Variants in KMT2D observed in about 807,000 individuals in gnomAD.
The protein encoded by KMT2D is histone-lysine N-methyltransferase 2D.
Under a neutral mutation model 512.7 loss-of-function variants are expected in KMT2D, and 55 were observed. The ratio of observed to expected loss-of-function variants is 0.11; its 90% CI spans 0.09 to 0.13. The LOEUF is 0.13. Among genes scored for constraint, KMT2D ranks in the 10% least tolerant of loss-of-function variants. The pLI is 1.00. For missense variants in KMT2D, 6,061 were observed against 7,127.9 expected (o/e 0.85, Z 5.39); for synonymous variants, 2,995 against 2,904.0 (o/e 1.03, Z -1.01).
rs1243381790 is a variant in KMT2D at position 49,054,967 on chromosome 12, G to A, written c.109C>T (p.His37Tyr). The A allele has an allele frequency of 5.0e-6, 8 of 1,614,032 alleles. No homozygotes were observed. In the East Asian group the frequency reaches 1.3e-4, roughly 27 times the overall value. The change falls in exon 3 of 55, where the codon CAT becomes TAT. Residue 37 changes from histidine to tyrosine, a missense_variant. Physicochemically the swap from His to Tyr is moderately conservative, Grantham distance 83 (BLOSUM62 2). Transcript: ENST00000301067. The surrounding 1 kb of genome is among the most constrained non-coding windows in gnomAD (Gnocchi z 6.4). ...SATESDLPNP[H>Y]VGEVSVLSSG... ...CTAAGGACAGAGACCTCTCCCACAT[G>A]TGGGTTGGGCAGGTCTGACTCAGTG...
chr12:49,055,425 A>G, intron 1 of KMT2D, 64 bp from the exon 2 acceptor site: 3 of 1,102,982 alleles, frequency 2.7e-6, no homozygotes, highest in Non-Finnish European at 4.0e-6. Flanking sequence ...TTTTTCCCAG[A>G]ATCCTGGGAA....
In KMT2D at chr12:49,026,389, G is replaced by A. The variant is rs1942589786; in HGVS notation, c.15577C>T (p.Pro5193Ser). ...CTATGAAAGTCAGCCATCTGGTGAG[G>A]CAGCAGCTGTCCGATGGCGTGGAAC... ...LVFHAIGQLL[P>S]HQMADFHSAT... The change falls in exon 49 of 55, where the codon CCT becomes TCT. Residue 5193 changes from proline (P) to serine (S), a missense_variant. Physicochemically the swap from Pro to Ser is moderately conservative, Grantham distance 74. Around this residue, in one of 16 missense-constraint regions of KMT2D, gnomAD observed 261 missense variants for 440.7 expected, o/e 0.59. Transcript: ENST00000301067. The surrounding 1 kb of genome is among the most constrained non-coding windows in gnomAD (Gnocchi z 9.6). 2 of 1,613,470 alleles carry A rather than the reference G, an allele frequency of 1.2e-6. No individual in the cohort carries two copies. Among genetic ancestry groups the A allele is most frequent in the Non-Finnish European group, 1.7e-6 (2 of 1,179,440 alleles).
chr12:49,055,159 C>T (rs1938333937), intron 2 of KMT2D, 117 bp downstream of exon 2: 2 of 1,548,670 alleles, frequency 1.3e-6, no homozygotes, highest in African/African-American at 2.7e-5. Context: ...TCCCAAAGAA[C>T]AAAGTTGTTC....
rs2120483900 is a variant in KMT2D at position 49,037,667 on chromosome 12, C to A, written c.9689G>T (p.Gly3230Val). 3 of 1,582,040 alleles carry A rather than the reference C, an allele frequency of 1.9e-6. No homozygotes were observed. Among genetic ancestry groups the A allele is most frequent in the East Asian group, 2.3e-5 (1 of 43,114 alleles). ...GCTCTCCATCTTGTCTAGCTCATCCCCAGATGCTGCAGGTCCACCAGGCAA... is the reference window on the plus strand; with the variant it reads ...GCTCTCCATCTTGTCTAGCTCATCCACAGATGCTGCAGGTCCACCAGGCAA... ...LTLPGGPAAS[G>V]DELDKMESSL... Residue 3230 changes from glycine to valine, a missense_variant, in exon 35 of 55, where the codon GGG (glycine) becomes GTG (valine). Physicochemically the swap from Gly to Val is moderately radical, Grantham distance 109. This residue lies in a region of KMT2D where 533 missense variants were observed against 539.6 expected (regional missense o/e 0.99). Coordinates refer to ENST00000301067, the MANE Select transcript of KMT2D (RefSeq NM_003482.4).
intron 1 of KMT2D, 47 bp from the exon 2 acceptor site, chr12:49,055,408 A>G: frequency 7.6e-7 from 1 of 1,316,432 alleles, no homozygotes; most frequent in South Asian, 1.3e-5. Context: ...AGTCTTCCCA[A>G]GAAGCATTTT....
In KMT2D at chr12:49,028,817, CT is replaced by C. The variant is rs1449322410; in HGVS notation, c.14382+10del. 3 of 1,613,408 alleles carry C rather than the reference CT, an allele frequency of 1.9e-6. No homozygotes were observed. The highest frequency in any genetic ancestry group is 1.3e-5 in the African/African-American group (1 of 74,928). On this transcript the variant is annotated intron_variant, in intron 46 of 54. Coordinates refer to ENST00000301067, the MANE Select transcript of KMT2D (RefSeq NM_003482.4). The stretch of plus-strand genomic sequence containing the variant: ...GGTTCCCCTCAGCCTCGAGGTACCC[CT>C]AGGACACACCTTGGCTGCAGCAGCA...
chr12:49,033,075 T>A lies in KMT2D; in HGVS notation c.11630A>T (p.Gln3877Leu). Reference sequence around the variant, plus strand: ...CCCACTGTGTGACATCAGACTCTGCTGAAGATGGGACAGCCCTGCCATGGA... The same window carrying A: ...CCCACTGTGTGACATCAGACTCTGCAGAAGATGGGACAGCCCTGCCATGGA... ...QGSMAGLSHL[Q>L]QSLMSHSGQP... Residue 3877 changes from glutamine (Q) to leucine (L), a missense_variant, in exon 40 of 55, where the codon CAG (glutamine) becomes CTG (leucine). Around this residue, in one of 16 missense-constraint regions of KMT2D, gnomAD observed 1,600 missense variants for 1,754.9 expected, o/e 0.91. Coordinates refer to ENST00000301067, the MANE Select transcript of KMT2D (RefSeq NM_003482.4). 6.4e-7 allele frequency: 1 copy of A among 1,551,666 alleles called. No individual in the cohort carries two copies. The highest frequency in any genetic ancestry group is 1.2e-5 in the South Asian group (1 of 84,062).
In KMT2D at chr12:49,054,180, TC is replaced by T; in HGVS notation, c.511-41del. On this transcript the variant is annotated intron_variant, in intron 5 of 54. Coordinates refer to ENST00000301067, the MANE Select transcript of KMT2D (RefSeq NM_003482.4). This position sits in a 1 kb window ranked among gnomAD's most constrained non-coding sequence, Gnocchi z 6.4. ...AAAGAGCCTCAGTGTCAGCCAGCTC[TC>T]CCCAGACAAACAGTTCAGGCACTAG... 1 of 1,555,152 alleles carries T rather than the reference TC, an allele frequency of 6.4e-7. No homozygotes were observed. The highest frequency in any genetic ancestry group is 1.2e-5 in the South Asian group (1 of 84,538).
In KMT2D at chr12:49,024,135, G is replaced by C. The variant is rs1212152926; in HGVS notation, c.16052+443C>G. The C allele has an allele frequency of 2.2e-6, 1 of 447,554 alleles. No homozygotes were observed. The highest frequency in any genetic ancestry group is 4.4e-6 in the Non-Finnish European group (1 of 226,006). The allele number at this position is 447,554 out of a possible 1,614,324, so 27.7% of individuals were successfully genotyped here. On this transcript the variant is annotated intron_variant, in intron 51 of 54. Coordinates refer to ENST00000301067, the MANE Select transcript of KMT2D (RefSeq NM_003482.4). This position sits in a 1 kb window ranked among gnomAD's most constrained non-coding sequence, Gnocchi z 4.5. ...AAAAAGTATAAAGTGCTATACAAAT[G>C]TAAGGTTTTATTATTTTTCTATTAT...
Position 49,054,840 on chromosome 12 carries a change from A to C in KMT2D, c.176+60T>G. The C allele has an allele frequency of 6.2e-7, 1 of 1,603,920 alleles. No homozygotes were observed. Among genetic ancestry groups the C allele is most frequent in the Non-Finnish European group, 8.5e-7 (1 of 1,172,418 alleles). ...ATGCTTCCCCAACACTCATTTTCCTAAATTCTCTTCCTTGAAAGCCCTAGA... is the reference window on the plus strand; with the variant it reads ...ATGCTTCCCCAACACTCATTTTCCTCAATTCTCTTCCTTGAAAGCCCTAGA... On this transcript the variant is annotated intron_variant, in intron 3 of 54. Coordinates refer to ENST00000301067, the MANE Select transcript of KMT2D (RefSeq NM_003482.4). This position sits in a 1 kb window ranked among gnomAD's most constrained non-coding sequence, Gnocchi z 6.4.
rs2120510484 is a variant in KMT2D, at chr12:49,039,335, C to T, written c.8253G>A (p.Leu2751=). The change falls in exon 34 of 55, where the codon TTG becomes TTA. Residue 2751 remains leucine (L), a synonymous_variant. Coordinates refer to ENST00000301067, the MANE Select transcript of KMT2D (RefSeq NM_003482.4). This position sits in a 1 kb window ranked among gnomAD's most constrained non-coding sequence, Gnocchi z 5.0. ...TGGGGCCACTCAGCTTGCTTGGGGG[C>T]AACCCCACAAGGCTGCTCTTGTCCT... ...GTQDKSSLVG[L]PPSKLSGPIL... is the part of the protein sequence containing the mutation. The T allele has an allele frequency of 6.2e-7, 1 of 1,613,372 alleles. No individual in the cohort carries two copies. The highest frequency in any genetic ancestry group is 8.5e-7 in the Non-Finnish European group (1 of 1,179,614).
At position 49,032,420 on chromosome 12, in the gene KMT2D, C is replaced by G; in HGVS notation, c.12285G>C (p.Leu4095=). 6.3e-7 allele frequency: 1 copy of G among 1,587,114 alleles called. No homozygotes were observed. The highest frequency in any genetic ancestry group is 8.6e-7 in the Non-Finnish European group (1 of 1,166,676). The change falls in exon 40 of 55, where the codon CTG becomes CTC. Residue 4095 remains leucine (L), a synonymous_variant. Transcript: ENST00000301067. ...GCTGCTGCTGTTGTCCTGGAAGCCT[C>G]AGAGGTGGCTGCAGCTGCAGAGAGC... ...QPSSLQLQPP[L]RLPGQQQQQV...
rs771185394 is a variant in KMT2D, at chr12:49,040,092, G to C, written c.7678C>G (p.His2560Asp). ...PVPQPGLPPP[H>D]GINSHFGPGP... ...GGCCCAAAATGGCTGTTGATCCCAT[G>C]GGGTGGCGGGAGACCAGGCTGAGGG... Residue 2560 changes from histidine (H) to aspartate (D), a missense_variant, in exon 32 of 55, where the codon CAT becomes GAT. By Grantham distance (81) the His-to-Asp change is moderately conservative. Around this residue, in one of 16 missense-constraint regions of KMT2D, gnomAD observed 710 missense variants for 647.3 expected, o/e 1.10. Coordinates refer to ENST00000301067, the MANE Select transcript of KMT2D (RefSeq NM_003482.4). The C allele has an allele frequency of 6.2e-7, 1 of 1,613,930 alleles. No homozygotes were observed. The highest frequency in any genetic ancestry group is 8.5e-7 in the Non-Finnish European group (1 of 1,179,842).
rs370558457 is a variant in KMT2D, at chr12:49,039,453, G to A, written c.8211C>T (p.Thr2737=). Residue 2737 remains threonine (T), a synonymous_variant, in exon 33 of 55, where the codon ACC becomes ACT. Coordinates refer to ENST00000301067, the MANE Select transcript of KMT2D (RefSeq NM_003482.4). The surrounding 1 kb of genome is among the most constrained non-coding windows in gnomAD (Gnocchi z 5.0). ...PAFEQLSRGQ[T]PFAGTQDKSS... ...TACCTACCTGTGTCCCAGCAAAGGG[G>A]GTCTGGCCTCGACTCAGCTGCTCAA... The A allele has an allele frequency of 3.1e-5, 49 of 1,601,420 alleles. No individual in the cohort carries two copies. In the Middle Eastern group the frequency reaches 1.2e-3, roughly 38 times the overall value.
At position 49,034,495 on chromosome 12, in the gene KMT2D, C is replaced by A. The variant is rs2120457219; in HGVS notation, c.10441-19G>T. 6.2e-7 allele frequency: 1 copy of A among 1,613,202 alleles called. No individual in the cohort carries two copies. Among genetic ancestry groups the A allele is most frequent in the Non-Finnish European group, 8.5e-7 (1 of 1,179,602 alleles). On this transcript the variant is annotated intron_variant, in intron 37 of 54. Coordinates refer to ENST00000301067, the MANE Select transcript of KMT2D (RefSeq NM_003482.4). ...TCCGCTCCTGCAATGAGAGAGGCTGCTAAAGGGTCATTGTTCCCTGCTAGG... is the reference window on the plus strand; with the variant it reads ...TCCGCTCCTGCAATGAGAGAGGCTGATAAAGGGTCATTGTTCCCTGCTAGG...
chr12:49,021,927 C>T (rs1942346337), intron 54 of KMT2D, 55 bp from the exon 55 acceptor site: 1 of 1,568,586 alleles, frequency 6.4e-7, no homozygotes, highest in Non-Finnish European at 8.8e-7. Flanking sequence ...AGAGGGGAGG[C>T]CAGAGAAGAT....
In KMT2D at chr12:49,060,642, G is replaced by A. The variant is rs950322473; in HGVS notation, c.-1067C>T. Among the ~76,000 whole-genome samples, 3 of 152,254 alleles carry A rather than the reference G, an allele frequency of 2.0e-5. No individual in the cohort carries two copies. Among genetic ancestry groups the A allele is most frequent in the African/African-American group, 7.2e-5 (3 of 41,476 alleles). On this transcript the variant is annotated 5_prime_UTR_variant, in exon 1 of 55. Coordinates refer to ENST00000301067, the MANE Select transcript of KMT2D (RefSeq NM_003482.4). ...GGCCGGTAGGGTGGTTCCTGCGAAGGGGCTATTTCCTGGCCCAAGAGCTGG... is the reference window on the plus strand; with the variant it reads ...GGCCGGTAGGGTGGTTCCTGCGAAGAGGCTATTTCCTGGCCCAAGAGCTGG...
In KMT2D at chr12:49,041,220, G is replaced by A. The variant is rs1230537280; in HGVS notation, c.6550C>T (p.Pro2184Ser). 4 of 1,512,682 alleles carry A rather than the reference G, an allele frequency of 2.6e-6. No individual in the cohort carries two copies. The highest frequency in any genetic ancestry group is 1.8e-4 in the Middle Eastern group (1 of 5,608). The allele number at this position is 1,512,682 out of a possible 1,614,324, so 93.7% of individuals were successfully genotyped here. A position where few individuals can be genotyped will look rare whatever the true frequency, so the allele number is the denominator to read the frequency against. The change falls in exon 32 of 55, where the codon CCC becomes TCC. Residue 2184 changes from proline to serine, a missense_variant. This residue lies in a region of KMT2D where 710 missense variants were observed against 647.3 expected (regional missense o/e 1.10). Transcript: ENST00000301067. The surrounding 1 kb of genome is among the most constrained non-coding windows in gnomAD (Gnocchi z 5.4). ...QDPFGLAPAY[P>S]LEPRFPTAPP... ...GCCGTGGGGAAGCGGGGCTCCAGGG[G>A]ATAGGCAGGGGCCAGTCCAAAGGGG...
Position 49,026,115 on chromosome 12 carries a change from T to A in KMT2D, c.15784+67A>T. The A allele has an allele frequency of 6.9e-7, 1 of 1,439,990 alleles. No individual in the cohort carries two copies. Among genetic ancestry groups the A allele is most frequent in the Non-Finnish European group, 9.4e-7 (1 of 1,064,966 alleles). 89.2% of individuals were successfully genotyped at this position (1,439,990 alleles called of 1,614,324 possible). Reference sequence around the variant, plus strand: ...AAGCTACAGGTCCTCTTATAGACATTGTAACAGTGACCCTGGGAGAAACTT... The same window carrying A: ...AAGCTACAGGTCCTCTTATAGACATAGTAACAGTGACCCTGGGAGAAACTT... On this transcript the variant is annotated intron_variant, in intron 49 of 54. Transcript: ENST00000301067. The surrounding 1 kb of genome is among the most constrained non-coding windows in gnomAD (Gnocchi z 9.6).
Sources: gnomAD v4.1 joint callset for allele counts (sites outside exome capture counted in the v4.1 genomes callset) on GRCh38, gnomAD v4.1.1 for gene constraint, gnomAD v4.1.1 regional missense constraint, Gnocchi (gnomAD v3.1) non-coding constraint, MANE v1.5 for transcripts, NCBI Gene and HGNC (gene_info 2026-07-23, HGNC 2026-07-21) for gene names.